SMYD3: variants seen among roughly 807,000 people sequenced by gnomAD.
SMYD3 encodes the protein SET and MYND domain containing 3, also known as histone-lysine N-methyltransferase SMYD3.
Under a neutral mutation model 57.7 loss-of-function variants are expected in SMYD3, and 36 were observed. The observed-to-expected ratio is 0.62, with a 90% CI of 0.48 to 0.82. SMYD3 has a LOEUF of 0.82. Among genes scored for constraint, SMYD3 ranks in the 40% least tolerant of loss-of-function variants. The pLI is 0.00. For synonymous variants in SMYD3, 211 were observed against 195.0 expected (o/e 1.08, Z -0.68); for missense variants, 515 against 538.8 (o/e 0.96, Z 0.44).
intron 10 of SMYD3, among the ~76,000 whole-genome samples, chr1:245,804,776 G>A (rs2048059562): frequency 6.6e-6 from 1 of 152,158 alleles, no homozygotes; most frequent in Non-Finnish European, 1.5e-5. Flanking sequence ...CAGCAACAAG[G>A]AACCATCTTG....
At chr1:246,475,455 C>T (rs1260535972) in intron 1 of SMYD3, among the ~76,000 whole-genome samples, 1 of 151,604 alleles carries the variant, frequency 6.6e-6, no homozygotes, top group African/African-American at 2.4e-5. Flanking sequence ...CCAGCCTGGC[C>T]AACATGGTGA....
intron 1 of SMYD3, among the ~76,000 whole-genome samples, chr1:246,375,067 TG>T (rs2066252722): frequency 6.6e-6 from 1 of 152,050 alleles, no homozygotes; most frequent in Non-Finnish European, 1.5e-5. Flanking sequence ...CACTCCAGCC[TG>T]GGCAACAGAG....
intron 5 of SMYD3, among the ~76,000 whole-genome samples, chr1:246,126,528 T>C (rs1244536812): frequency 6.6e-6 from 1 of 152,266 alleles, no homozygotes; most frequent in African/African-American, 2.4e-5. Context: ...TGTTTGCAAT[T>C]GTACCAAGAG....
chr1:246,490,914 T>C (rs1408069877), intron 1 of SMYD3, among the ~76,000 whole-genome samples: 1 of 152,082 alleles, frequency 6.6e-6, no homozygotes, highest in Non-Finnish European at 1.5e-5. Flanking sequence ...CAATGAGAAC[T>C]AAGTAGAGCA....
intron 10 of SMYD3, among the ~76,000 whole-genome samples, chr1:245,784,848 T>TC: frequency 6.7e-6 from 1 of 148,270 alleles, no homozygotes; most frequent in South Asian, 2.2e-4. Flanking sequence ...ACTGAATTTT[T>TC]TTTTTTTTTT....
At chr1:245,823,875 T>A (rs2049316921) in intron 10 of SMYD3, among the ~76,000 whole-genome samples, 1 of 152,078 alleles carries the variant, frequency 6.6e-6, no homozygotes, top group Admixed American at 6.6e-5. Context: ...TACTATGGGG[T>A]GGGCAAAGTT....
intron 1 of SMYD3, among the ~76,000 whole-genome samples, chr1:246,495,486 G>A (rs1275254233): frequency 6.6e-6 from 1 of 151,420 alleles, no homozygotes; most frequent in African/African-American, 2.4e-5. Flanking sequence ...AGCCAATGTC[G>A]AGAACCAACG....
chr1:246,396,658 C>T (rs1391803111), intron 1 of SMYD3, among the ~76,000 whole-genome samples: 1 of 152,160 alleles, frequency 6.6e-6, no homozygotes, highest in East Asian at 1.9e-4. Flanking sequence ...GAAGGAGGGC[C>T]TGGTGGGGCA....
chr1:245,870,990 C>T (rs976106320), intron 8 of SMYD3, among the ~76,000 whole-genome samples: 5 of 152,146 alleles, frequency 3.3e-5, no homozygotes, highest in African/African-American at 1.2e-4. Flanking sequence ...TAATCTGCTT[C>T]CCAGTACTTC....
At chr1:246,188,686 C>A (rs986060802) in intron 5 of SMYD3, among the ~76,000 whole-genome samples, 2 of 151,868 alleles carry the variant, frequency 1.3e-5, no homozygotes, top group Non-Finnish European at 2.9e-5. Flanking sequence ...TGGGGCCAGG[C>A]GTGGTGGCTC....
At chr1:246,407,966 T>C (rs1453877786) in intron 1 of SMYD3, among the ~76,000 whole-genome samples, 1 of 151,820 alleles carries the variant, frequency 6.6e-6, no homozygotes, top group Non-Finnish European at 1.5e-5. Context: ...TCAGTGTAAA[T>C]GAAGAAACCT....
At chr1:245,907,498 A>G (rs1383891674) in intron 8 of SMYD3, among the ~76,000 whole-genome samples, 1 of 152,216 alleles carries the variant, frequency 6.6e-6, no homozygotes, top group African/African-American at 2.4e-5. Context: ...CAGCAAAAGG[A>G]CAATATTTGC....
intron 10 of SMYD3, among the ~76,000 whole-genome samples, chr1:245,798,868 G>A (rs559439569): frequency 1.3e-5 from 2 of 151,984 alleles, no homozygotes; most frequent in South Asian, 2.1e-4. Context: ...CAACCCCTCA[G>A]CCCAGCCTTG....
chr1:246,133,854 T>G (rs555436272), intron 5 of SMYD3, among the ~76,000 whole-genome samples: 77 of 152,282 alleles, frequency 5.1e-4, no homozygotes, highest in Non-Finnish European at 9.4e-4. Context: ...CAAATGACAC[T>G]GTTGTAGCTA....
intron 5 of SMYD3, among the ~76,000 whole-genome samples, chr1:246,244,642 A>G (rs922324136): frequency 3.9e-5 from 6 of 152,194 alleles, no homozygotes; most frequent in African/African-American, 1.4e-4. Flanking sequence ...TAAAACATGT[A>G]CCATATGAGT....
intron 10 of SMYD3, among the ~76,000 whole-genome samples, chr1:245,768,892 G>GA (rs891117395): frequency 5.3e-4 from 78 of 147,106 alleles, no homozygotes; most frequent in African/African-American, 1.3e-3. Flanking sequence ...GGAACTGTGA[G>GA]AAAAAAAAAA....
chr1:245,911,139 G>A (rs558279163), intron 8 of SMYD3, among the ~76,000 whole-genome samples: 1 of 152,058 alleles, frequency 6.6e-6, no homozygotes, highest in African/African-American at 2.4e-5. Flanking sequence ...TTAATGGTCA[G>A]GGAAATGCAA....
intron 1 of SMYD3, among the ~76,000 whole-genome samples, chr1:246,501,014 A>G (rs2068448184): frequency 3.3e-5 from 5 of 152,234 alleles, no homozygotes; most frequent in Admixed American, 6.5e-5. Flanking sequence ...TTCAAATCCT[A>G]GACCCATTAG....
At chr1:245,817,185 C>A (rs377681441) in intron 10 of SMYD3, among the ~76,000 whole-genome samples, 101 of 148,774 alleles carry the variant, frequency 6.8e-4, no homozygotes, top group Non-Finnish European at 1.3e-3. Flanking sequence ...TCTCCCAGCA[C>A]GCAGCTGGAG....
Sources: allele counts gnomAD v4.1 joint callset (sites outside exome capture counted in the v4.1 genomes callset), GRCh38; gene constraint gnomAD v4.1.1; transcripts MANE v1.5; gene names NCBI Gene and HGNC (gene_info 2026-07-23, HGNC 2026-07-21).